The following ENPP1 variants were observed in gnomAD, a reference collection of about 807,000 sequenced individuals.
ENPP1 encodes ectonucleotide pyrophosphatase/phosphodiesterase family member 1.
ENPP1 carries 73 observed loss-of-function variants against 122.8 expected under a neutral mutation model. The observed-to-expected ratio is 0.59, with a 90% CI of 0.49 to 0.72. The LOEUF is 0.72. Ranked by LOEUF, ENPP1 falls within the 30% of genes least tolerant of loss-of-function variation. The pLI is 0.00. For synonymous variants in ENPP1, 367 were observed against 391.6 expected, an observed-to-expected ratio of 0.94 and a Z score of 0.74; for missense variants, 978 against 1,128.1, an observed-to-expected ratio of 0.87 and a Z score of 1.91.
chr6:131,862,063 C>T (rs952476955), intron 9 of ENPP1, among the ~76,000 whole-genome samples: 1 of 151,886 alleles, frequency 6.6e-6, no homozygotes, highest in Non-Finnish European at 1.5e-5. Context: ...CAGCTACTCA[C>T]AAGGCTGAGG....
intron 1 of ENPP1, among the ~76,000 whole-genome samples, chr6:131,841,514 G>T (rs1477764888): frequency 6.6e-6 from 1 of 152,158 alleles, no homozygotes; most frequent in Non-Finnish European, 1.5e-5. Context: ...TTTATGTAAT[G>T]CAGACACAAT....
chr6:131,821,255 G>A (rs1781481679), intron 1 of ENPP1, among the ~76,000 whole-genome samples: 1 of 152,214 alleles, frequency 6.6e-6, no homozygotes, highest in African/African-American at 2.4e-5. Context: ...ATAAGGCTAT[G>A]AGACAGCACA....
chr6:131,808,543 TAGAAA>T (rs1781310564), intron 1 of ENPP1, among the ~76,000 whole-genome samples: 1 of 152,200 alleles, frequency 6.6e-6, no homozygotes, highest in Non-Finnish European at 1.5e-5. Flanking sequence ...CGGTCATCCT[TAGAAA>T]TACTCGACCC....
chr6:131,848,214 C>T (rs920634699), intron 2 of ENPP1, among the ~76,000 whole-genome samples: 1 of 152,124 alleles, frequency 6.6e-6, no homozygotes, highest in Non-Finnish European at 1.5e-5. Flanking sequence ...AACCAGAAAC[C>T]TGTCAGTATG....
Position 131,860,396 on chromosome 6 carries a change from C to G in ENPP1, c.805C>G (p.Pro269Ala). The stretch of plus-strand genomic sequence containing the variant: ...GTTTTATCTTTTTTAGGGATTGTAT[C>G]CAGAATCTCATGGCATAATCGACAA... Reference protein sequence around the residue: ...NHYSIVTGLYPESHGIIDNKM... With the variant: ...NHYSIVTGLYAESHGIIDNKM... Residue 269 changes from proline to alanine, a missense_variant, in exon 8 of 25, where the codon CCA becomes GCA. By Grantham distance (27) the Pro-to-Ala change is conservative. This residue lies in a region of ENPP1 where 644 missense variants were observed against 781.5 expected (regional missense o/e 0.82). Coordinates refer to ENST00000647893, the MANE Select transcript of ENPP1 (RefSeq NM_006208.3). 1 of 1,596,522 alleles carries G rather than the reference C, an allele frequency of 6.3e-7. No homozygotes were observed. Among genetic ancestry groups the G allele is most frequent in the Non-Finnish European group, 8.6e-7 (1 of 1,164,946 alleles).
At position 131,891,377 on chromosome 6, in the gene ENPP1, T is replaced by G. The variant is rs552958740; in HGVS notation, c.*866T>G. The G allele has an allele frequency of 3.3e-5, 5 of 152,316 alleles. No individual in the cohort carries two copies. Among genetic ancestry groups the G allele is most frequent in the African/African-American group, 1.2e-4 (5 of 41,568 alleles). 9.4% of individuals were successfully genotyped at this position (152,316 alleles called of 1,614,324 possible). A position where few individuals can be genotyped will look rare whatever the true frequency, so the allele number is the denominator to read the frequency against. The stretch of plus-strand genomic sequence containing the variant: ...TTTTTTATTGAGATGCTTAGAATGT[T>G]TCTTTCTGTGCACAAGACTTACCCT... On this transcript the variant is annotated 3_prime_UTR_variant, in exon 25 of 25. Coordinates refer to ENST00000647893, the MANE Select transcript of ENPP1 (RefSeq NM_006208.3).
At chr6:131,829,726 C>A (rs1177581894) in intron 1 of ENPP1, among the ~76,000 whole-genome samples, 1 of 152,158 alleles carries the variant, frequency 6.6e-6, no homozygotes, top group Non-Finnish European at 1.5e-5. Flanking sequence ...CAGAAGGAAG[C>A]CGCTACCACC....
At chr6:131,838,344 CAA>C (rs1247842022) in intron 1 of ENPP1, among the ~76,000 whole-genome samples, 1 of 151,808 alleles carries the variant, frequency 6.6e-6, no homozygotes, top group Non-Finnish European at 1.5e-5. Context: ...AAGAATAAAC[CAA>C]AGACATGTGC....
chr6:131,880,038 A>C lies in ENPP1; in HGVS notation c.2100+4A>C. ...ATCCTATACCGTGGACAGAAATGCA[A>C]GTATTTGTCACCTCTTTATGTGTGG... On this transcript the variant is annotated splice_donor_region_variant and intron_variant, in intron 20 of 24. Coordinates refer to ENST00000647893, the MANE Select transcript of ENPP1 (RefSeq NM_006208.3). 6.2e-7 allele frequency: 1 copy of C among 1,613,460 alleles called. No individual in the cohort carries two copies. The highest frequency in any genetic ancestry group is 1.7e-4 in the Middle Eastern group (1 of 6,060).
In ENPP1 at chr6:131,867,984, G is replaced by A. The variant is rs767231467; in HGVS notation, c.1165-34G>A. On this transcript the variant is annotated intron_variant, in intron 11 of 24. Transcript: ENST00000647893. Reference sequence around the variant, plus strand: ...TGTATAAATAGCCATTAGTGTGGAAGGTATCACATGAGGTTGTTGCTTCCC... The same window carrying A: ...TGTATAAATAGCCATTAGTGTGGAAAGTATCACATGAGGTTGTTGCTTCCC... The A allele has an allele frequency of 2.0e-5, 26 of 1,286,748 alleles. No homozygotes were observed. In the South Asian group the frequency reaches 2.5e-4, roughly 12 times the overall value. The allele number at this position is 1,286,748 out of a possible 1,614,324, so 79.7% of individuals were successfully genotyped here.
At chr6:131,886,835 T>C (rs1782384580) in intron 24 of ENPP1, 111 bp downstream of exon 24, 1 of 814,734 alleles carries the variant, frequency 1.2e-6, no homozygotes, top group South Asian at 2.0e-5. Flanking sequence ...TGAGTACACA[T>C]GGACTTCGAA....
chr6:131,814,441 G>A (rs939773594), intron 1 of ENPP1, among the ~76,000 whole-genome samples: 2 of 152,138 alleles, frequency 1.3e-5, no homozygotes, highest in Non-Finnish European at 2.9e-5. Context: ...TGTAATTATA[G>A]AGCTTTATTT....
intron 1 of ENPP1, among the ~76,000 whole-genome samples, chr6:131,844,269 C>T (rs1323406858): frequency 6.6e-6 from 1 of 152,192 alleles, no homozygotes; most frequent in Non-Finnish European, 1.5e-5. Flanking sequence ...TTAAATAAAA[C>T]CAGCTCCCAA....
chr6:131,892,402 T>C lies in ENPP1; in HGVS notation c.*1891T>C, dbSNP rs1439092787. ...CTGAGTAACAGGGTCCCCTCATTAC[T>C]ACTGGGCAAGGTGAGAATTCAGTTT... On this transcript the variant is annotated 3_prime_UTR_variant, in exon 25 of 25. Coordinates refer to ENST00000647893, the MANE Select transcript of ENPP1 (RefSeq NM_006208.3). 3 of 152,202 alleles carry C rather than the reference T, an allele frequency of 2.0e-5. No individual in the cohort carries two copies. The highest frequency in any genetic ancestry group is 4.8e-5 in the African/African-American group (2 of 41,456). The allele number at this position is 152,202 out of a possible 1,614,324, so 9.4% of individuals were successfully genotyped here. A position where few individuals can be genotyped will look rare whatever the true frequency, so the allele number is the denominator to read the frequency against.
intron 1 of ENPP1, chr6:131,820,101 C>T (rs1004260677): frequency 3.1e-5 from 14 of 458,526 alleles, no homozygotes; most frequent in Non-Finnish European, 5.3e-5. Flanking sequence ...TCTTGCCCCC[C>T]TTCCCTGCTT....
At chr6:131,839,096 G>A (rs1431517837) in intron 1 of ENPP1, among the ~76,000 whole-genome samples, 1 of 152,020 alleles carries the variant, frequency 6.6e-6, no homozygotes, top group African/African-American at 2.4e-5. Context: ...AAGTTAGCAT[G>A]GCCTTTCACT....
Position 131,890,614 on chromosome 6 carries a change from A to C in ENPP1, c.*103A>C, listed in dbSNP as rs934807026. On this transcript the variant is annotated 3_prime_UTR_variant, in exon 25 of 25. Transcript: ENST00000647893. ...GCATTGTTCAGAAACTGTCGACCAG[A>C]GTTAGAACGGAGCCCTCGGTGATGC... 2 of 1,071,334 alleles carry C rather than the reference A, an allele frequency of 1.9e-6. No individual in the cohort carries two copies. Among genetic ancestry groups the C allele is most frequent in the Non-Finnish European group, 1.4e-6 (1 of 698,632 alleles). 66.4% of individuals were successfully genotyped at this position (1,071,334 alleles called of 1,614,324 possible).
chr6:131,819,915 G>T, intron 1 of ENPP1: 1 of 522,728 alleles, frequency 1.9e-6, no homozygotes, highest in Non-Finnish European at 3.6e-6. Flanking sequence ...ATCATATCTG[G>T]AATCAGATGA....
At position 131,869,322 on chromosome 6, in the gene ENPP1, G is replaced by C. The variant is rs770299986; in HGVS notation, c.1274-36G>C. The C allele has an allele frequency of 1.4e-5, 22 of 1,608,982 alleles. No homozygotes were observed. In the East Asian group the frequency reaches 4.7e-4, roughly 34 times the overall value. On this transcript the variant is annotated intron_variant, in intron 12 of 24. Coordinates refer to ENST00000647893, the MANE Select transcript of ENPP1 (RefSeq NM_006208.3). ...TCTGCATATTAAATTTTTTGTTAAA[G>C]TTACAGCATGTTTTGGGATTTTTTT...
Sources: allele counts gnomAD v4.1 joint callset (sites outside exome capture counted in the v4.1 genomes callset), GRCh38; gene constraint gnomAD v4.1.1; regional missense constraint gnomAD v4.1.1; transcripts MANE v1.5; gene names NCBI Gene and HGNC (gene_info 2026-07-23, HGNC 2026-07-21).